The following CCDC88A variants were observed in gnomAD, a reference collection of about 807,000 sequenced individuals.
The protein encoded by CCDC88A is girdin.
In CCDC88A, 54 loss-of-function variants were observed where a neutral mutation model predicts 234.3. The ratio of observed to expected loss-of-function variants is 0.23; its 90% CI spans 0.19 to 0.29. The LOEUF is 0.29. CCDC88A is among the 10% of genes least tolerant of loss of function. The pLI is 1.00. For synonymous variants in CCDC88A, 753 were observed against 737.8 expected (o/e 1.02, Z -0.33); for missense variants, 1,832 against 2,123.4 (o/e 0.86, Z 2.70).
intron 2 of CCDC88A, among the ~76,000 whole-genome samples, chr2:55,396,203 G>T (rs1448771445): frequency 6.6e-6 from 1 of 152,092 alleles, no homozygotes; most frequent in Non-Finnish European, 1.5e-5. Context: ...GTGGAGAAAA[G>T]TATATTTGTA....
chr2:55,298,417 G>GA (rs1338904970), intron 29 of CCDC88A, among the ~76,000 whole-genome samples: 3 of 151,754 alleles, frequency 2.0e-5, no homozygotes, highest in African/African-American at 4.8e-5. Context: ...AAAGAAATCT[G>GA]AAAAACATGA....
At chr2:55,303,258 T>C (rs566945391) in intron 25 of CCDC88A, 106 bp from the exon 26 acceptor site, 1 of 741,398 alleles carries the variant, frequency 1.3e-6, no homozygotes, top group Admixed American at 2.0e-5. Context: ...AAATGAATGT[T>C]TGAGTTTTAG....
chr2:55,408,033 C>A lies in CCDC88A; in HGVS notation c.164+10783G>T, dbSNP rs1268119377. Among the ~76,000 whole-genome samples, 4 of 151,982 alleles carry A rather than the reference C, an allele frequency of 2.6e-5. No individual in the cohort carries two copies. The South Asian group carries it at 6.2e-4, about 24-fold the overall frequency. ...GCGCCTGGCCCTTTCTACTTTAATT[C>A]AAAATACTAACTTCTACCTCTAGTG... is the stretch of plus-strand genomic sequence containing the variant. On this transcript the variant is annotated intron_variant, in intron 2 of 32. Transcript: ENST00000436346.
chr2:55,307,079 A>G (rs1423410140), intron 25 of CCDC88A, among the ~76,000 whole-genome samples: 1 of 152,014 alleles, frequency 6.6e-6, no homozygotes, highest in Non-Finnish European at 1.5e-5. Context: ...TGTGTGTTCA[A>G]TTAGTGACAT....
At chr2:55,417,398 G>C (rs959714226) in intron 2 of CCDC88A, 2 of 151,874 alleles carry the variant, frequency 1.3e-5, no homozygotes, top group African/African-American at 4.8e-5. Flanking sequence ...CTGTCATGTA[G>C]GTTCCCCAAA....
intron 2 of CCDC88A, among the ~76,000 whole-genome samples, chr2:55,415,751 C>T (rs6733814): frequency 0.81 from 123,662 of 152,082 alleles, 51,202 homozygotes; most frequent in Admixed American, 0.9. Context: ...ACCAAAAAGA[C>T]TGAGAGCGAA....
chr2:55,341,625 A>G (rs965945658), intron 12 of CCDC88A, among the ~76,000 whole-genome samples: 1 of 149,630 alleles, frequency 6.7e-6, no homozygotes, highest in African/African-American at 2.5e-5. Flanking sequence ...TTGTATTTTC[A>G]GCAGAGACGG....
In CCDC88A at chr2:55,332,733, G is replaced by A; in HGVS notation, c.2728-40C>T. ...AATGCAAAACTCACCTAAGTGTCAA[G>A]GGTATAAACATCTAAGAAAGTCAGC... On this transcript the variant is annotated intron_variant, in intron 15 of 32. Transcript: ENST00000436346. This position sits in a 1 kb window ranked among gnomAD's most constrained non-coding sequence, Gnocchi z 4.5. 1 of 1,597,170 alleles carries A rather than the reference G, an allele frequency of 6.3e-7. No individual in the cohort carries two copies. The highest frequency in any genetic ancestry group is 8.6e-7 in the Non-Finnish European group (1 of 1,168,552).
At position 55,289,123 on chromosome 2, in the gene CCDC88A, C is replaced by G. The variant is rs1243348721; in HGVS notation, c.*2077G>C. 6.6e-6 allele frequency: 1 copy of G among 152,618 alleles called. No individual in the cohort carries two copies. Among genetic ancestry groups the G allele is most frequent in the Non-Finnish European group, 1.5e-5 (1 of 68,018 alleles). 9.5% of individuals were successfully genotyped at this position (152,618 alleles called of 1,614,324 possible). On this transcript the variant is annotated 3_prime_UTR_variant, in exon 33 of 33. Coordinates refer to ENST00000436346, the MANE Select transcript of CCDC88A (RefSeq NM_001365480.1). ...TTTTCAGCATTTTCTGCTTGAAGCA[C>G]TAATGCACTTAACCCAGCATGTTCT...
At chr2:55,303,182 A>C (rs1419677313) in intron 25 of CCDC88A, 30 bp from the exon 26 acceptor site, 3 of 1,339,922 alleles carry the variant, frequency 2.2e-6, no homozygotes, top group Non-Finnish European at 3.1e-6. Context: ...GGAAAAACAG[A>C]AACAGGGAGA....
At chr2:55,405,034 A>G (rs984455944) in intron 2 of CCDC88A, 5 of 152,226 alleles carry the variant, frequency 3.3e-5, no homozygotes, top group African/African-American at 1.2e-4. Context: ...CAGCCGCAAA[A>G]TAGTTTTTAA....
At chr2:55,339,246 C>T (rs1289513486) in intron 13 of CCDC88A, 1 of 457,636 alleles carries the variant, frequency 2.2e-6, no homozygotes, top group Non-Finnish European at 3.7e-6. Context: ...GGCGTGAGCC[C>T]CCGCACCTGG....
At chr2:55,343,513 C>T in intron 12 of CCDC88A, 135 bp downstream of exon 12, 1 of 644,138 alleles carries the variant, frequency 1.6e-6, no homozygotes, top group Non-Finnish European at 2.6e-6. Context: ...CAATATATTA[C>T]TGTGTGAAAT....
intron 5 of CCDC88A, among the ~76,000 whole-genome samples, chr2:55,369,398 C>G (rs1332605455): frequency 1.3e-5 from 2 of 151,616 alleles, no homozygotes; most frequent in Non-Finnish European, 2.9e-5. Context: ...TGTAAACTCT[C>G]CAGTCTAATA....
chr2:55,323,910 C>A (rs1683942850), intron 17 of CCDC88A: 3 of 152,362 alleles, frequency 2.0e-5, no homozygotes. Context: ...CGAGGTTTCA[C>A]CATGTTGCCC....
intron 5 of CCDC88A, 28 bp from the exon 6 acceptor site, chr2:55,364,061 CA>C: frequency 1.8e-6 from 2 of 1,120,480 alleles, no homozygotes; most frequent in Non-Finnish European, 2.6e-6. Context: ...AATAGTTATT[CA>C]TACTTTATAG....
intron 2 of CCDC88A, among the ~76,000 whole-genome samples, chr2:55,399,111 G>T (rs1310572227): frequency 7.2e-5 from 11 of 151,930 alleles, no homozygotes; most frequent in Admixed American, 7.2e-4. Context: ...GCATAAAAAA[G>T]ATAAAATCTT....
intron 9 of CCDC88A, chr2:55,349,226 T>C: frequency 3.0e-6 from 1 of 330,016 alleles, no homozygotes. Flanking sequence ...AGAGGTGTTC[T>C]AGCTTCCAAG....
intron 2 of CCDC88A, among the ~76,000 whole-genome samples, chr2:55,393,835 T>A (rs1298134022): frequency 6.6e-6 from 1 of 152,240 alleles, no homozygotes; most frequent in Non-Finnish European, 1.5e-5. Flanking sequence ...CTGCATTTAA[T>A]GTTTCACCAT....
Sources: gnomAD v4.1 joint callset for allele counts (sites outside exome capture counted in the v4.1 genomes callset) on GRCh38, gnomAD v4.1.1 for gene constraint, Gnocchi (gnomAD v3.1) non-coding constraint, MANE v1.5 for transcripts, NCBI Gene and HGNC (gene_info 2026-07-23, HGNC 2026-07-21) for gene names.